EVC: variants seen among roughly 807,000 people sequenced by gnomAD.
The protein encoded by EVC is evC complex member EVC.
EVC carries 116 observed loss-of-function variants against 118.9 expected under a neutral mutation model. The observed-to-expected ratio is 0.98, with a 90% CI of 0.84 to 1.14. EVC has a LOEUF of 1.14. Among genes scored for constraint, EVC ranks in the 50% most tolerant of loss-of-function variants. The pLI is 0.00. For missense variants in EVC, 1,401 were observed against 1,246.4 expected (o/e 1.12, Z -1.87); for synonymous variants, 619 against 534.7 (o/e 1.16, Z -2.18).
chr4:5,760,110 G>C (rs1463800317), intron 11 of EVC, among the ~76,000 whole-genome samples: 2 of 152,106 alleles, frequency 1.3e-5, no homozygotes, highest in African/African-American at 2.4e-5. Context: ...AATGAGCAGA[G>C]AGATAACTGT....
intron 12 of EVC, among the ~76,000 whole-genome samples, chr4:5,786,522 C>T (rs1711621155): frequency 6.6e-6 from 1 of 152,202 alleles, no homozygotes; most frequent in African/African-American, 2.4e-5. Context: ...TGACCCAAGA[C>T]TGTTTTCTCA....
the EVC span, chr4:5,821,761 C>T: frequency 6.2e-7 from 1 of 1,608,354 alleles, no homozygotes; most frequent in Non-Finnish European, 8.5e-7. The surrounding 1 kb of genome is among the most constrained non-coding windows in gnomAD (Gnocchi z 4.4). Context: ...CATCCACGTT[C>T]AACCGAGGCT....
rs374437149 is a variant in EVC, at chr4:5,733,310, A to C, written c.618-41A>C. On this transcript the variant is annotated intron_variant, in intron 4 of 20. Transcript: ENST00000264956. The stretch of plus-strand genomic sequence containing the variant: ...CCAATATTCTTACTCTTCATTTCCG[A>C]TACCCTGAAAGTCTTTTCCGCTTCT... 2.3e-4 allele frequency: 358 copies of C among 1,542,810 alleles called. No individual in the cohort carries two copies. The African/African-American group carries it at 3.9e-3, about 17-fold the overall frequency.
intron 16 of EVC, among the ~76,000 whole-genome samples, chr4:5,803,217 C>T (rs1715321713): frequency 6.6e-6 from 1 of 152,200 alleles, no homozygotes; most frequent in Non-Finnish European, 1.5e-5. Context: ...GGTGGGATTC[C>T]ACTTCTCTGA....
At chr4:5,751,721 G>A (rs555659072) in intron 8 of EVC, among the ~76,000 whole-genome samples, 2 of 152,324 alleles carry the variant, frequency 1.3e-5, no homozygotes, top group Admixed American at 6.5e-5. Flanking sequence ...GGAGCCCTGG[G>A]GCAGTGGAGA....
At chr4:5,805,177 G>A (rs1715668766) in intron 17 of EVC, among the ~76,000 whole-genome samples, 1 of 152,196 alleles carries the variant, frequency 6.6e-6, no homozygotes, top group African/African-American at 2.4e-5. Context: ...CCTTGACGAG[G>A]ATTTGGGGGC....
intron 12 of EVC, among the ~76,000 whole-genome samples, chr4:5,785,411 C>T (rs1459946205): frequency 1.3e-5 from 2 of 152,222 alleles, no homozygotes; most frequent in African/African-American, 4.8e-5. Flanking sequence ...TTACAAAAGA[C>T]CAGTGTGACT....
At chr4:5,781,600 G>T (rs1351230385) in intron 11 of EVC, among the ~76,000 whole-genome samples, 4 of 152,172 alleles carry the variant, frequency 2.6e-5, no homozygotes, top group Admixed American at 2.6e-4. Flanking sequence ...ACTTTGGGAG[G>T]TCAAGGCAGG....
chr4:5,795,349 G>T (rs995222948), intron 13 of EVC, among the ~76,000 whole-genome samples: 2 of 152,118 alleles, frequency 1.3e-5, no homozygotes, highest in East Asian at 3.9e-4. Flanking sequence ...TAATACAAGG[G>T]AAACATCAGA....
intron 15 of EVC, among the ~76,000 whole-genome samples, chr4:5,799,791 T>G (rs1714646677): frequency 6.6e-6 from 1 of 152,154 alleles, no homozygotes; most frequent in Admixed American, 6.5e-5. Context: ...GGACCCACAT[T>G]TCTGCAACAC....
rs1577400488 is a variant in EVC, at chr4:5,743,206, A to G, written c.801+1392A>G. Reference sequence around the variant, plus strand: ...AGGGCAGCAAGGGATCACTTTCATCACCATCCACTGGTTCCTGCCGGTTTC... The same window carrying G: ...AGGGCAGCAAGGGATCACTTTCATCGCCATCCACTGGTTCCTGCCGGTTTC... On this transcript the variant is annotated intron_variant, in intron 6 of 20. Transcript: ENST00000264956. The surrounding 1 kb of genome is among the most constrained non-coding windows in gnomAD (Gnocchi z 4.7). Among the ~76,000 whole-genome samples, 1 of 152,154 alleles carries G rather than the reference A, an allele frequency of 6.6e-6. No homozygotes were observed. The highest frequency in any genetic ancestry group is 1.5e-5 in the Non-Finnish European group (1 of 68,008).
intron 11 of EVC, among the ~76,000 whole-genome samples, chr4:5,783,317 C>T (rs1353226494): frequency 6.7e-6 from 1 of 148,284 alleles, no homozygotes; most frequent in Non-Finnish European, 1.5e-5. Flanking sequence ...TCTGTGTGTA[C>T]AAGTGTGTGT....
chr4:5,726,250 G>A (rs1169485135), intron 2 of EVC, among the ~76,000 whole-genome samples: 1 of 152,254 alleles, frequency 6.6e-6, no homozygotes, highest in Non-Finnish European at 1.5e-5. Context: ...TCTTCCATCA[G>A]TGTGTTCAGA....
intron 17 of EVC, among the ~76,000 whole-genome samples, chr4:5,806,279 A>G (rs1715894990): frequency 1.3e-5 from 2 of 150,256 alleles, no homozygotes; most frequent in African/African-American, 2.5e-5. Flanking sequence ...ATGGGGTTTT[A>G]CCATGTTGGC....
the EVC span, among the ~76,000 whole-genome samples, chr4:5,820,390 T>C: frequency 2.6e-5 from 4 of 152,132 alleles, no homozygotes; most frequent in East Asian, 7.7e-4. Flanking sequence ...GCTGTTTTTA[T>C]CCGTCCTTTA....
At chr4:5,757,211 A>G (rs62300391) in intron 11 of EVC, among the ~76,000 whole-genome samples, 40,392 of 152,116 alleles carry the variant, frequency 0.27, 5,796 homozygotes, top group African/African-American at 0.37. Flanking sequence ...CGTTGTCTCC[A>G]GTGACAGCTT....
intron 5 of EVC, among the ~76,000 whole-genome samples, chr4:5,735,118 A>G (rs1435953620): frequency 6.6e-6 from 1 of 152,350 alleles, no homozygotes; most frequent in East Asian, 1.9e-4. Flanking sequence ...GTCAGACCCC[A>G]GGGGCAGCCT....
At position 5,810,455 on chromosome 4, in the gene EVC, G is replaced by T; in HGVS notation, c.2894+5G>T. ...CCAGACCTCAGGCTCACTCAGGTAT[G>T]ACTGGGCCCCGGACCTGTTGCCTGT... is the stretch of plus-strand genomic sequence containing the variant. On this transcript the variant is annotated splice_donor_5th_base_variant and intron_variant, in intron 20 of 20. Transcript: ENST00000264956. 2 of 1,606,480 alleles carry T rather than the reference G, an allele frequency of 1.2e-6. No homozygotes were observed. Among genetic ancestry groups the T allele is most frequent in the South Asian group, 2.2e-5 (2 of 89,212 alleles).
At chr4:5,750,622 C>T (rs1297952802) in intron 8 of EVC, among the ~76,000 whole-genome samples, 3 of 152,100 alleles carry the variant, frequency 2.0e-5, no homozygotes, top group Admixed American at 6.5e-5. Flanking sequence ...GAAATGGGGG[C>T]TATGATAGCA....
Sources: allele counts gnomAD v4.1 joint callset (sites outside exome capture counted in the v4.1 genomes callset), GRCh38; gene constraint gnomAD v4.1.1; non-coding constraint Gnocchi (gnomAD v3.1); transcripts MANE v1.5; gene names NCBI Gene and HGNC (gene_info 2026-07-23, HGNC 2026-07-21).